The following ZMYND8 variants were observed in gnomAD, a reference collection of about 807,000 sequenced individuals.
ZMYND8 encodes MYND-type zinc finger-containing chromatin reader ZMYND8.
In ZMYND8, 37 loss-of-function variants were observed where a neutral mutation model predicts 140.8. The ratio of observed to expected loss-of-function variants is 0.26; its 90% CI spans 0.20 to 0.35. The LOEUF is 0.35. Ranked by LOEUF, ZMYND8 falls within the 10% of genes least tolerant of loss-of-function variation. The probability of loss-of-function intolerance (pLI) is 1.00; values close to 1 mark genes in which losing one functional copy is unlikely to be tolerated. For missense variants in ZMYND8, 1,068 were observed against 1,570.0 expected, an observed-to-expected ratio of 0.68 and a Z score of 5.40; for synonymous variants, 592 against 597.1, an observed-to-expected ratio of 0.99 and a Z score of 0.12.
chr20:47,302,936 T>A (rs1343312905), intron 3 of ZMYND8, among the ~76,000 whole-genome samples: 1 of 152,082 alleles, frequency 6.6e-6, no homozygotes, highest in East Asian at 1.9e-4. Flanking sequence ...CAGAAAAGTA[T>A]TTGTTGTGGG....
chr20:47,283,986 G>A (rs574935995), intron 8 of ZMYND8, among the ~76,000 whole-genome samples: 6 of 151,912 alleles, frequency 3.9e-5, no homozygotes, highest in Admixed American at 3.9e-4. Context: ...GCAGTGGCCC[G>A]ATCTGGGCTC....
chr20:47,319,740 G>A (rs555963215), intron 2 of ZMYND8: 1 of 152,342 alleles, frequency 6.6e-6, no homozygotes, highest in African/African-American at 2.4e-5. Flanking sequence ...GCTGGGATGA[G>A]GCCCTCTGGA....
At chr20:47,282,259 A>T (rs776030842) in intron 9 of ZMYND8, 42 bp from the exon 10 acceptor site, 47 of 1,548,482 alleles carry the variant, frequency 3.0e-5, no homozygotes, top group Non-Finnish European at 4.2e-5. Flanking sequence ...TACATATTTG[A>T]CAGCAAGATA....
chr20:47,340,921 T>C (rs909809870), intron 2 of ZMYND8, among the ~76,000 whole-genome samples: 1 of 152,114 alleles, frequency 6.6e-6, no homozygotes, highest in African/African-American at 2.4e-5. Context: ...CTCTGGATGC[T>C]GGAAATGTTT....
chr20:47,212,391 C>T (rs2035409954), intron 22 of ZMYND8, among the ~76,000 whole-genome samples: 1 of 152,174 alleles, frequency 6.6e-6, no homozygotes, highest in African/African-American at 2.4e-5. Context: ...CATCTAGGAC[C>T]CTTTATGAAA....
intron 2 of ZMYND8, among the ~76,000 whole-genome samples, chr20:47,336,736 A>AGC (rs2081414754): frequency 6.6e-6 from 1 of 152,136 alleles, no homozygotes; most frequent in Non-Finnish European, 1.5e-5. Context: ...TCTTTAGAGA[A>AGC]GCCAGTCTAC....
At position 47,224,440 on chromosome 20, in the gene ZMYND8, T is replaced by G; in HGVS notation, c.3133A>C (p.Lys1045Gln). Residue 1045 changes from lysine to glutamine, a missense_variant, in exon 19 of 23, where the codon AAG (lysine) becomes CAG (glutamine). Lys to Gln is a moderately conservative substitution (Grantham distance 53). Coordinates refer to ENST00000471951, the MANE Select transcript of ZMYND8 (RefSeq NM_001281775.3). ...KQQAVDETKK[K>Q]QWCANCKKEA... ...TTCTTGCAGTTGGCGCACCACTGCT[T>G]CTTCTTGGTCTCATCCACCGCCTGC... 1 of 1,614,214 alleles carries G rather than the reference T, an allele frequency of 6.2e-7. No homozygotes were observed. The highest frequency in any genetic ancestry group is 8.5e-7 in the Non-Finnish European group (1 of 1,180,038).
intron 8 of ZMYND8, among the ~76,000 whole-genome samples, chr20:47,286,147 C>T (rs1005890389): frequency 6.6e-6 from 1 of 151,356 alleles, no homozygotes; most frequent in Non-Finnish European, 1.5e-5. Flanking sequence ...ATAACTATAT[C>T]TATATATAGA....
intron 3 of ZMYND8, among the ~76,000 whole-genome samples, chr20:47,302,496 C>A (rs1389100563): frequency 6.6e-6 from 1 of 151,994 alleles, no homozygotes; most frequent in Non-Finnish European, 1.5e-5. Context: ...TGGGTCCCAT[C>A]CCCGAGATAT....
At chr20:47,346,006 G>A (rs1024544725) in intron 2 of ZMYND8, among the ~76,000 whole-genome samples, 4 of 152,152 alleles carry the variant, frequency 2.6e-5, no homozygotes, top group African/African-American at 9.7e-5. Flanking sequence ...GGTGAGGATG[G>A]GAGTAGGAGA....
chr20:47,268,813 C>A (rs1189363864), intron 11 of ZMYND8, among the ~76,000 whole-genome samples: 1 of 151,634 alleles, frequency 6.6e-6, no homozygotes, highest in Non-Finnish European at 1.5e-5. Context: ...CAGATAAAAC[C>A]TTTTTCATAC....
intron 16 of ZMYND8, among the ~76,000 whole-genome samples, chr20:47,236,060 C>T (rs1161861211): frequency 6.6e-6 from 1 of 152,178 alleles, no homozygotes; most frequent in Non-Finnish European, 1.5e-5. Context: ...CTTGAATTCT[C>T]GAAGGTAATT....
rs191966755 is a variant in ZMYND8 at position 47,211,455 on chromosome 20, G to A, written c.3569-558C>T. 1.6e-3 allele frequency among the ~76,000 whole-genome samples: 202 copies of A among 127,486 alleles called. 1 individual carries two copies. Among genetic ancestry groups the A allele is most frequent in the African/African-American group, 5.9e-3 (180 of 30,552 alleles). The allele number at this position is 127,486 out of a possible 152,430, so 83.6% of individuals were successfully genotyped here. On this transcript the variant is annotated intron_variant, in intron 22 of 22. Coordinates refer to ENST00000471951, the MANE Select transcript of ZMYND8 (RefSeq NM_001281775.3). ...TGGGAACACACACCCACTGACTCCC[G>A]GTAAGGACAAGCTTATGGGTGACTG...
chr20:47,228,091 C>CA (rs11295350), intron 17 of ZMYND8, among the ~76,000 whole-genome samples: 18,493 of 111,686 alleles, frequency 0.17, 1,219 homozygotes, highest in Middle Eastern at 0.23. Context: ...AGACTCTTCT[C>CA]AAAAAAAAAA....
At chr20:47,331,767 C>A (rs915971545) in intron 2 of ZMYND8, among the ~76,000 whole-genome samples, 19 of 152,090 alleles carry the variant, frequency 1.2e-4, no homozygotes, top group Admixed American at 9.8e-4. Flanking sequence ...GCAGAGACAG[C>A]GCAGCAGATG....
intron 14 of ZMYND8, among the ~76,000 whole-genome samples, chr20:47,243,778 G>T (rs1478559664): frequency 1.3e-5 from 2 of 152,180 alleles, no homozygotes; most frequent in Non-Finnish European, 2.9e-5. Flanking sequence ...GTTCCAGAAA[G>T]AAAGAACAGT....
At chr20:47,239,321 C>A (rs186660603) in intron 14 of ZMYND8, among the ~76,000 whole-genome samples, 183 bp from the exon 15 acceptor site, 293 of 152,320 alleles carry the variant, frequency 1.9e-3, no homozygotes, top group African/African-American at 6.7e-3. Context: ...GCCACTTCTG[C>A]GGCGTCTTCC....
chr20:47,240,236 C>T (rs2039786005), intron 14 of ZMYND8, among the ~76,000 whole-genome samples: 1 of 151,044 alleles, frequency 6.6e-6, no homozygotes, highest in South Asian at 2.1e-4. Context: ...ACTAATAGGC[C>T]GGGCGCAGTG....
intron 9 of ZMYND8, 69 bp downstream of exon 9, chr20:47,283,502 G>A: frequency 1.3e-6 from 2 of 1,513,286 alleles, no homozygotes; most frequent in Non-Finnish European, 1.8e-6. Flanking sequence ...CCTGGAAAAA[G>A]CTGTCTCAGG....
Sources: gnomAD v4.1 joint callset for allele counts (sites outside exome capture counted in the v4.1 genomes callset) on GRCh38, gnomAD v4.1.1 for gene constraint, MANE v1.5 for transcripts, NCBI Gene and HGNC (gene_info 2026-07-23, HGNC 2026-07-21) for gene names.